Variants in GAS7 observed in about 807,000 individuals in gnomAD.
The protein encoded by GAS7 is growth arrest-specific protein 7.
In GAS7, 28 loss-of-function variants were observed where a neutral mutation model predicts 71.1. The observed-to-expected ratio is 0.39, with a 90% CI of 0.29 to 0.54. The LOEUF is 0.54. Among genes scored for constraint, GAS7 ranks in the 20% least tolerant of loss-of-function variants. The pLI, the probability that GAS7 is intolerant of heterozygous loss-of-function variation, is 0.62. For synonymous variants in GAS7, 258 were observed against 245.8 expected, an observed-to-expected ratio of 1.05 and a Z score of -0.46; for missense variants, 436 against 627.8, an observed-to-expected ratio of 0.69 and a Z score of 3.27.
At chr17:10,073,979 T>C (rs762514947) in intron 1 of GAS7, among the ~76,000 whole-genome samples, 20 of 152,230 alleles carry the variant, frequency 1.3e-4, no homozygotes, top group Non-Finnish European at 2.6e-4. Flanking sequence ...CAAACATTTA[T>C]TGGGCACCTA....
intron 4 of GAS7, among the ~76,000 whole-genome samples, chr17:9,965,554 C>G (rs1037814210): frequency 3.9e-5 from 6 of 152,176 alleles, no homozygotes; most frequent in Non-Finnish European, 8.8e-5. Context: ...GGACAAATAC[C>G]TACTGCACGC....
chr17:9,919,185 C>CT lies in GAS7; in HGVS notation c.1218+440_1218+441insA. Among the ~76,000 whole-genome samples, 1 of 151,982 alleles carries CT rather than the reference C, an allele frequency of 6.6e-6. No individual in the cohort carries two copies. Among genetic ancestry groups the CT allele is most frequent in the Non-Finnish European group, 1.5e-5 (1 of 67,960 alleles). ...TGTTCACCCTTGGTGAGAGGCCTCCCCCACCCCACTGCCTAGCTCCATCCT... is the reference window on the plus strand; with the variant it reads ...TGTTCACCCTTGGTGAGAGGCCTCCCTCCACCCCACTGCCTAGCTCCATCCT... On this transcript the variant is annotated intron_variant, in intron 12 of 13. Transcript: ENST00000432992. This position sits in a 1 kb window ranked among gnomAD's most constrained non-coding sequence, Gnocchi z 5.0.
chr17:9,935,566 T>A (rs1319000733), intron 8 of GAS7, among the ~76,000 whole-genome samples: 1 of 152,186 alleles, frequency 6.6e-6, no homozygotes, highest in East Asian at 1.9e-4. Flanking sequence ...AAAGACAGCA[T>A]GTGGTGAGGC....
At chr17:9,955,702 G>A (rs891184002) in intron 5 of GAS7, among the ~76,000 whole-genome samples, 1 of 152,142 alleles carries the variant, frequency 6.6e-6, no homozygotes. Context: ...AAAGGCAGGG[G>A]CTCAAAAAGG....
Position 9,910,906 on chromosome 17 carries a change from G to A in GAS7, c.*6322C>T, listed in dbSNP as rs934704262. 8.7e-6 allele frequency: 2 copies of A among 230,472 alleles called. No individual in the cohort carries two copies. Among genetic ancestry groups the A allele is most frequent in the Non-Finnish European group, 1.7e-5 (2 of 116,188 alleles). The allele number at this position is 230,472 out of a possible 1,614,324, so 14.3% of individuals were successfully genotyped here. A position where few individuals can be genotyped will look rare whatever the true frequency, so the allele number is the denominator to read the frequency against. ...ATACCGGGGTGAGGAGTGCTGGCGG[G>A]AGACACGGCTCTTTAACATGAAAAA... On this transcript the variant is annotated 3_prime_UTR_variant, in exon 14 of 14. Coordinates refer to ENST00000432992, the MANE Select transcript of GAS7 (RefSeq NM_201433.2).
intron 1 of GAS7, among the ~76,000 whole-genome samples, chr17:10,159,809 A>C (rs1369008588): frequency 7.5e-6 from 1 of 133,234 alleles, no homozygotes; most frequent in Admixed American, 7.8e-5. Context: ...TTTTTGAGAC[A>C]GTGTCTCACT....
intron 5 of GAS7, chr17:9,958,993 G>C: frequency 1.4e-6 from 2 of 1,419,492 alleles, no homozygotes; most frequent in Non-Finnish European, 1.8e-6. Flanking sequence ...TTGTTCACCA[G>C]GAGAGAAGTG....
intron 1 of GAS7, among the ~76,000 whole-genome samples, chr17:10,045,366 C>T (rs923046799): frequency 1.3e-5 from 2 of 152,132 alleles, no homozygotes; most frequent in African/African-American, 4.8e-5. Context: ...AGTCCTAGGA[C>T]CCTTATAAAA....
chr17:10,132,493 C>A (rs1266927321), intron 1 of GAS7, among the ~76,000 whole-genome samples: 1 of 152,174 alleles, frequency 6.6e-6, no homozygotes, highest in African/African-American at 2.4e-5. Flanking sequence ...TGGCCAGGCA[C>A]GGTGGCTCAT....
At chr17:9,975,833 C>T (rs2070179973) in intron 3 of GAS7, among the ~76,000 whole-genome samples, 1 of 152,226 alleles carries the variant, frequency 6.6e-6, no homozygotes, top group Admixed American at 6.5e-5. Context: ...AGACGCAGAA[C>T]CCGTTGAGGG....
chr17:9,939,600 C>A (rs1241797233), intron 8 of GAS7, among the ~76,000 whole-genome samples: 1 of 150,890 alleles, frequency 6.6e-6, no homozygotes, highest in Non-Finnish European at 1.5e-5. Context: ...AAAGAGAAGA[C>A]AATGTGGAAG....
chr17:10,103,543 C>T lies in GAS7; in HGVS notation c.184-83646G>A, dbSNP rs1035511717. Among the ~76,000 whole-genome samples, 1 of 150,798 alleles carries T rather than the reference C, an allele frequency of 6.6e-6. No homozygotes were observed. The highest frequency in any genetic ancestry group is 1.5e-5 in the Non-Finnish European group (1 of 67,390). ...TTCACTTAGAAAGATAGGAACAACC[C>T]GGCCAGGCGCGATGGCTCCCACCTG... On this transcript the variant is annotated intron_variant, in intron 1 of 13. Transcript: ENST00000432992. The surrounding 1 kb of genome is among the most constrained non-coding windows in gnomAD (Gnocchi z 5.5).
intron 3 of GAS7, among the ~76,000 whole-genome samples, chr17:9,975,281 G>A (rs1266480433): frequency 6.6e-6 from 1 of 152,152 alleles, no homozygotes; most frequent in Non-Finnish European, 1.5e-5. Flanking sequence ...CTTGAACCCG[G>A]GAGGTGGAGG....
Position 9,916,931 on chromosome 17 carries a change from C to T in GAS7, c.*297G>A, listed in dbSNP as rs2152063604. The T allele has an allele frequency of 9.8e-6, 5 of 510,478 alleles. No homozygotes were observed. Among genetic ancestry groups the T allele is most frequent in the Non-Finnish European group, 1.7e-5 (5 of 287,070 alleles). The allele number at this position is 510,478 out of a possible 1,614,324, so 31.6% of individuals were successfully genotyped here. On this transcript the variant is annotated 3_prime_UTR_variant, in exon 14 of 14. Coordinates refer to ENST00000432992, the MANE Select transcript of GAS7 (RefSeq NM_201433.2). ...ATGTGACAGTGACCCCTACAAAACTCGGCAAGGACCACAAAGTTCCAGCCT... is the reference window on the plus strand; with the variant it reads ...ATGTGACAGTGACCCCTACAAAACTTGGCAAGGACCACAAAGTTCCAGCCT...
At chr17:10,016,630 C>CAAAACA (rs2072027543) in intron 2 of GAS7, among the ~76,000 whole-genome samples, 1 of 119,142 alleles carries the variant, frequency 8.4e-6, no homozygotes, top group East Asian at 2.6e-4. Context: ...AAAAACAAAA[C>CAAAACA]AAAAAAAACT....
intron 1 of GAS7, among the ~76,000 whole-genome samples, chr17:10,190,817 T>C (rs367910125): frequency 6.6e-5 from 10 of 150,956 alleles, no homozygotes; most frequent in African/African-American, 2.2e-4. Flanking sequence ...CTAACGCTAC[T>C]ATAGCTGATG....
At chr17:10,126,372 A>ACACGCACACACACC (rs1555535381) in intron 1 of GAS7, among the ~76,000 whole-genome samples, 3 of 142,954 alleles carry the variant, frequency 2.1e-5, no homozygotes, top group South Asian at 2.2e-4. Flanking sequence ...TCTTGCACAC[A>ACACGCACACACACC]CACCCACACA....
chr17:10,059,848 A>G (rs1277294311), intron 1 of GAS7: 6 of 980,162 alleles, frequency 6.1e-6, no homozygotes, highest in Non-Finnish European at 7.3e-6. Flanking sequence ...GCATTAAAAT[A>G]GAGACTTGAC....
chr17:9,919,665 G>A lies in GAS7; in HGVS notation c.1179C>T (p.Ala393=), dbSNP rs761713897. 18 of 1,609,998 alleles carry A rather than the reference G, an allele frequency of 1.1e-5. No homozygotes were observed. Among genetic ancestry groups the A allele is most frequent in the Non-Finnish European group, 1.5e-5 (18 of 1,178,378 alleles). The change falls in exon 12 of 14, where the codon GCC becomes GCT. Residue 393 remains alanine, a synonymous_variant. Coordinates refer to ENST00000432992, the MANE Select transcript of GAS7 (RefSeq NM_201433.2). The surrounding 1 kb of genome is among the most constrained non-coding windows in gnomAD (Gnocchi z 5.0). ...LMRCVDLYNQ[A]QSKWFEEMVT... Reference sequence around the variant, plus strand: ...CCATCTCTTCAAACCATTTGGACTGGGCCTGGTTGTAGAGATCCACACAGC... The same window carrying A: ...CCATCTCTTCAAACCATTTGGACTGAGCCTGGTTGTAGAGATCCACACAGC...
Sources: gnomAD v4.1 joint callset for allele counts (sites outside exome capture counted in the v4.1 genomes callset) on GRCh38, gnomAD v4.1.1 for gene constraint, Gnocchi (gnomAD v3.1) non-coding constraint, MANE v1.5 for transcripts, NCBI Gene and HGNC (gene_info 2026-07-23, HGNC 2026-07-21) for gene names.